BMP8B: variants seen among roughly 807,000 people sequenced by gnomAD.
BMP8B encodes the protein bone morphogenetic protein 8b.
In BMP8B, 17 loss-of-function variants were observed where a neutral mutation model predicts 30.3. The observed-to-expected ratio is 0.56, with a 90% CI of 0.38 to 0.84. The LOEUF (loss-of-function observed/expected upper bound fraction) is 0.84. Among genes scored for constraint, BMP8B ranks in the 40% least tolerant of loss-of-function variants. The probability of loss-of-function intolerance (pLI) is 0.00; values close to 1 mark genes in which losing one functional copy is unlikely to be tolerated. For missense variants in BMP8B, 253 were observed against 494.6 expected (o/e 0.51, Z 4.63); for synonymous variants, 131 against 214.7 (o/e 0.61, Z 3.41).
At chr1:39,770,700 GC>G (rs1649907230) in intron 3 of BMP8B, 1 of 1,290,118 alleles carries the variant, frequency 7.8e-7, no homozygotes. Context: ...ACCTCTCGGG[GC>G]TGGCTCATGA....
At chr1:39,780,819 C>G (rs2249439) in intron 1 of BMP8B, among the ~76,000 whole-genome samples, 72,348 of 152,042 alleles carry the variant, frequency 0.48, 17,698 homozygotes, top group African/African-American at 0.59. Flanking sequence ...TCACTTGAGT[C>G]TGGGAGGTTG....
chr1:39,788,087 G>C lies in BMP8B; in HGVS notation c.334+65C>G, dbSNP rs1188351021. ...TCGGCCAGGGCCCGGCACAGCCCGC[G>C]GATGCGCGCCCCTCCCCTGCAGCCA... On this transcript the variant is annotated intron_variant, in intron 1 of 6. Coordinates refer to ENST00000372827, the MANE Select transcript of BMP8B (RefSeq NM_001720.5). The surrounding 1 kb of genome is among the most constrained non-coding windows in gnomAD (Gnocchi z 5.8). The C allele has an allele frequency of 9.3e-6, 13 of 1,399,922 alleles. No homozygotes were observed. Among genetic ancestry groups the C allele is most frequent in the African/African-American group, 3.3e-5 (2 of 60,506 alleles). 86.7% of individuals were successfully genotyped at this position (1,399,922 alleles called of 1,614,324 possible).
At position 39,763,848 on chromosome 1, in the gene BMP8B, A is replaced by G. The variant is rs537694803; in HGVS notation, c.869-57T>C. 5 of 1,562,652 alleles carry G rather than the reference A, an allele frequency of 3.2e-6. No individual in the cohort carries two copies. The South Asian group carries it at 3.4e-5, about 11-fold the overall frequency. On this transcript the variant is annotated intron_variant, in intron 4 of 6. Coordinates refer to ENST00000372827, the MANE Select transcript of BMP8B (RefSeq NM_001720.5). ...GGGGTTCCTACTGTGTGCAGCTACT[A>G]TGGGGTACCAGGGTGGGGGATGCCC...
At chr1:39,769,804 C>G in intron 3 of BMP8B, 1 of 1,613,708 alleles carries the variant, frequency 6.2e-7, no homozygotes, top group South Asian at 1.1e-5. Flanking sequence ...CCCAGAGCTC[C>G]CTCAGCGTCA....
intron 1 of BMP8B, among the ~76,000 whole-genome samples, chr1:39,782,924 G>A (rs1650748101): frequency 6.6e-6 from 1 of 152,018 alleles, no homozygotes; most frequent in Non-Finnish European, 1.5e-5. Context: ...CGCCTGAGTA[G>A]TTAGGACTAC....
At chr1:39,762,423 A>C in intron 6 of BMP8B, 1 of 1,437,888 alleles carries the variant, frequency 7.0e-7, no homozygotes, top group Non-Finnish European at 9.2e-7. Flanking sequence ...AAGTTCTAGA[A>C]GGAAGCCTCG....
intron 1 of BMP8B, among the ~76,000 whole-genome samples, chr1:39,780,783 C>T (rs1650583287): frequency 6.6e-6 from 1 of 152,198 alleles, no homozygotes; most frequent in African/African-American, 2.4e-5. Context: ...TACTTCCCAG[C>T]TACTTGGGAG....
chr1:39,787,935 C>T (rs994115519), intron 1 of BMP8B, among the ~76,000 whole-genome samples: 3 of 152,166 alleles, frequency 2.0e-5, no homozygotes, highest in Admixed American at 6.5e-5. Context: ...GCCTGGGAGT[C>T]CACAGTCCCC....
intron 3 of BMP8B, among the ~76,000 whole-genome samples, chr1:39,767,080 A>G (rs1649667210): frequency 6.6e-6 from 1 of 152,118 alleles, no homozygotes; most frequent in Non-Finnish European, 1.5e-5. Context: ...GCTGTGTTCA[A>G]GGGTCTTATG....
intron 1 of BMP8B, among the ~76,000 whole-genome samples, chr1:39,779,450 AG>A (rs1398745770): frequency 1.3e-5 from 2 of 151,994 alleles, no homozygotes; most frequent in African/African-American, 2.4e-5. Context: ...GGTTGTTCAG[AG>A]GTTGCTGGGG....
intron 1 of BMP8B, among the ~76,000 whole-genome samples, chr1:39,784,466 C>T (rs563928052): frequency 3.5e-4 from 48 of 137,172 alleles, no homozygotes; most frequent in South Asian, 2.1e-3. Context: ...CTAGCACACC[C>T]GACAATTACC....
chr1:39,770,188 C>T, intron 3 of BMP8B: 1 of 1,347,596 alleles, frequency 7.4e-7, no homozygotes, highest in Non-Finnish European at 9.9e-7. Flanking sequence ...GGTCGGCATC[C>T]ACCTCATCTT....
chr1:39,762,218 CGTGT>C (rs147925567), intron 6 of BMP8B: 5 of 282,890 alleles, frequency 1.8e-5, no homozygotes, highest in Non-Finnish European at 2.6e-5. Context: ...AGTGTGCGCA[CGTGT>C]GTGTGTGTGT....
intron 6 of BMP8B, chr1:39,762,663 C>T: frequency 6.5e-7 from 1 of 1,530,982 alleles, no homozygotes; most frequent in Non-Finnish European, 8.8e-7. Context: ...TGGGTGAGTG[C>T]ACACGCACAC....
chr1:39,780,617 C>G (rs572193310), intron 1 of BMP8B, among the ~76,000 whole-genome samples: 1 of 152,230 alleles, frequency 6.6e-6, no homozygotes, highest in Admixed American at 6.5e-5. Context: ...AGAGGCCAGG[C>G]GCAGTGGCTC....
At chr1:39,776,654 A>T (rs1650257363) in intron 1 of BMP8B, among the ~76,000 whole-genome samples, 1 of 152,248 alleles carries the variant, frequency 6.6e-6, no homozygotes, top group South Asian at 2.1e-4. Context: ...GGAGAAGGAA[A>T]GAACGTGCCT....
Position 39,758,626 on chromosome 1 carries a change from A to T in BMP8B, c.*1793T>A, listed in dbSNP as rs1648543046. The T allele has an allele frequency of 6.6e-6, 1 of 152,276 alleles. No homozygotes were observed. The highest frequency in any genetic ancestry group is 2.1e-4 in the South Asian group (1 of 4,834). The allele number at this position is 152,276 out of a possible 1,614,324, so 9.4% of individuals were successfully genotyped here. A position where few individuals can be genotyped will look rare whatever the true frequency, so the allele number is the denominator to read the frequency against. ...CTGGCTCACTATGAGGAGTTGGTAGACAGATTCTTTGGCTGAAGGTTGTTT... is the reference window on the plus strand; with the variant it reads ...CTGGCTCACTATGAGGAGTTGGTAGTCAGATTCTTTGGCTGAAGGTTGTTT... On this transcript the variant is annotated 3_prime_UTR_variant, in exon 7 of 7. Coordinates refer to ENST00000372827, the MANE Select transcript of BMP8B (RefSeq NM_001720.5).
At position 39,763,988 on chromosome 1, in the gene BMP8B, A is replaced by T; in HGVS notation, c.869-197T>A. ...AGCTCAGAAGCCTGCCATGGCTCCC[A>T]ATGGCTAGAGTGACACTGTGCCCAG... On this transcript the variant is annotated intron_variant, in intron 4 of 6. Transcript: ENST00000372827. 3 of 681,632 alleles carry T rather than the reference A, an allele frequency of 4.4e-6. 1 individual carries two copies. Among genetic ancestry groups the T allele is most frequent in the Non-Finnish European group, 7.2e-6 (3 of 414,966 alleles). The allele number at this position is 681,632 out of a possible 1,614,324, so 42.2% of individuals were successfully genotyped here. A position where few individuals can be genotyped will look rare whatever the true frequency, so the allele number is the denominator to read the frequency against.
chr1:39,787,766 C>G (rs1373590994), intron 1 of BMP8B, among the ~76,000 whole-genome samples: 1 of 152,162 alleles, frequency 6.6e-6, no homozygotes, highest in Non-Finnish European at 1.5e-5. Flanking sequence ...GAACTTTGTC[C>G]CTCTCCTCAG....
Sources: gnomAD v4.1 joint callset for allele counts (sites outside exome capture counted in the v4.1 genomes callset) on GRCh38, gnomAD v4.1.1 for gene constraint, Gnocchi (gnomAD v3.1) non-coding constraint, MANE v1.5 for transcripts, NCBI Gene and HGNC (gene_info 2026-07-23, HGNC 2026-07-21) for gene names.